Variants in KDM4C observed in about 807,000 individuals in gnomAD.
KDM4C encodes lysine-specific demethylase 4C.
In KDM4C, 81 loss-of-function variants were observed where a neutral mutation model predicts 129.3. That is an observed-to-expected ratio of 0.63 (90% CI 0.52 to 0.75). The LOEUF is 0.75. Ranked by LOEUF, KDM4C falls within the 30% of genes least tolerant of loss-of-function variation. KDM4C has a pLI of 0.00. For synonymous variants in KDM4C, 573 were observed against 456.1 expected (o/e 1.26, Z -3.26); for missense variants, 1,457 against 1,304.0 (o/e 1.12, Z -1.81).
At chr9:7,048,891 A>G (rs529288158) in intron 16 of KDM4C, among the ~76,000 whole-genome samples, 6 of 152,014 alleles carry the variant, frequency 3.9e-5, no homozygotes, top group African/African-American at 4.8e-5. Context: ...TCATGGCACA[A>G]TGTTGTTGGG....
chr9:7,029,656 G>A (rs926322186), intron 15 of KDM4C, among the ~76,000 whole-genome samples: 2 of 152,202 alleles, frequency 1.3e-5, no homozygotes, highest in African/African-American at 4.8e-5. Context: ...TTGGGGGACA[G>A]TATAGCATTT....
intron 5 of KDM4C, among the ~76,000 whole-genome samples, chr9:6,869,241 A>G (rs867857720): frequency 6.6e-6 from 1 of 152,044 alleles, no homozygotes; most frequent in Non-Finnish European, 1.5e-5. Flanking sequence ...TCTGAATGTT[A>G]TGTCAGGAAA....
At chr9:6,927,603 C>T (rs547491921) in intron 8 of KDM4C, among the ~76,000 whole-genome samples, 7 of 152,266 alleles carry the variant, frequency 4.6e-5, no homozygotes, top group African/African-American at 1.7e-4. Context: ...GGAGATCATC[C>T]CTCATCTACG....
chr9:6,781,171 G>T (rs1588218518), intron 1 of KDM4C, among the ~76,000 whole-genome samples: 1 of 152,096 alleles, frequency 6.6e-6, no homozygotes, highest in Non-Finnish European at 1.5e-5. Flanking sequence ...AAGCTTCTTT[G>T]GGGCAGGGGA....
chr9:6,814,772 G>T (rs909897923), intron 4 of KDM4C, 27 bp downstream of exon 4: 5 of 1,395,994 alleles, frequency 3.6e-6, no homozygotes, highest in Non-Finnish European at 5.0e-6. Context: ...AGTGAGTTTT[G>T]TAAAGATCAT....
At chr9:7,061,569 C>T (rs1451054304) in intron 17 of KDM4C, among the ~76,000 whole-genome samples, 1 of 152,178 alleles carries the variant, frequency 6.6e-6, no homozygotes, top group Non-Finnish European at 1.5e-5. Flanking sequence ...TGGTCAGGTT[C>T]TCTAGAGAAG....
intron 1 of KDM4C, among the ~76,000 whole-genome samples, chr9:6,760,541 T>A (rs551430549): frequency 2.7e-4 from 38 of 142,868 alleles, no homozygotes; most frequent in Admixed American, 5.1e-4. Flanking sequence ...GTGATACTCT[T>A]TTTTATTTAT....
intron 8 of KDM4C, chr9:6,924,931 A>C: frequency 1.0e-6 from 1 of 984,492 alleles, no homozygotes; most frequent in Non-Finnish European, 1.2e-6. Flanking sequence ...TTCTAATAAT[A>C]ATGTGTTCTG....
rs10975999 is a variant in KDM4C, at chr9:7,036,263, G to A, written c.2260-10599G>A. Among the ~76,000 whole-genome samples, 378 of 152,180 alleles carry A rather than the reference G, an allele frequency of 2.5e-3. 9 individuals carry two copies. In the East Asian group the frequency reaches 0.026, roughly 11 times the overall value. ...AGTACTTTGCTGTTTGTTGTCAGTGGTCATGCTGGGAAGAAAGAATAAGCC... is the reference window on the plus strand; with the variant it reads ...AGTACTTTGCTGTTTGTTGTCAGTGATCATGCTGGGAAGAAAGAATAAGCC... On this transcript the variant is annotated intron_variant, in intron 15 of 21. Transcript: ENST00000381309.
intron 1 of KDM4C, chr9:6,721,173 A>G: frequency 2.2e-6 from 1 of 461,492 alleles, no homozygotes; most frequent in Non-Finnish European, 3.9e-6. Context: ...TCCCAGGCTC[A>G]GGTGATTCTC....
intron 8 of KDM4C, among the ~76,000 whole-genome samples, chr9:6,944,332 C>T (rs1436029770): frequency 1.3e-5 from 2 of 152,182 alleles, no homozygotes; most frequent in East Asian, 1.9e-4. Context: ...AAACTCTGTT[C>T]TCCAAATTGC....
chr9:6,725,551 G>A (rs1362182617), intron 1 of KDM4C, among the ~76,000 whole-genome samples: 2 of 151,962 alleles, frequency 1.3e-5, no homozygotes, highest in East Asian at 1.9e-4. Context: ...GCAATGGCAC[G>A]ATCTTGGCTC....
chr9:7,102,087 G>A (rs1259688287), intron 17 of KDM4C, among the ~76,000 whole-genome samples: 2 of 152,094 alleles, frequency 1.3e-5, no homozygotes, highest in Non-Finnish European at 1.5e-5. Context: ...TAGTTTTATG[G>A]TTCTGTGTAT....
At chr9:7,045,459 T>A (rs1388263149) in intron 15 of KDM4C, among the ~76,000 whole-genome samples, 1 of 152,064 alleles carries the variant, frequency 6.6e-6, no homozygotes, top group Non-Finnish European at 1.5e-5. Flanking sequence ...GTGTGTTAAA[T>A]TACTGGAAAA....
intron 8 of KDM4C, among the ~76,000 whole-genome samples, chr9:6,972,330 A>G (rs1158695687): frequency 6.6e-6 from 1 of 151,856 alleles, no homozygotes; most frequent in Non-Finnish European, 1.5e-5. Flanking sequence ...ACACACACCT[A>G]TTTTCTCTAC....
chr9:6,829,120 A>C (rs192215137), intron 4 of KDM4C, among the ~76,000 whole-genome samples: 1 of 152,314 alleles, frequency 6.6e-6, no homozygotes, highest in East Asian at 1.9e-4. Flanking sequence ...GAGAGTCATG[A>C]ATGGTTTCCC....
At chr9:6,770,023 A>C (rs1821424401) in intron 1 of KDM4C, among the ~76,000 whole-genome samples, 1 of 152,092 alleles carries the variant, frequency 6.6e-6, no homozygotes, top group African/African-American at 2.4e-5. Context: ...TGCTAGTAAT[A>C]CAAAAATTAG....
intron 12 of KDM4C, among the ~76,000 whole-genome samples, chr9:7,003,312 C>T (rs534357035): frequency 3.3e-4 from 50 of 152,192 alleles, no homozygotes; most frequent in African/African-American, 8.9e-4. Flanking sequence ...TTTGTTCATG[C>T]GTGTTATAAA....
intron 8 of KDM4C, chr9:6,925,229 A>G (rs1360543989): frequency 5.1e-6 from 5 of 985,306 alleles, no homozygotes; most frequent in African/African-American, 1.7e-5. Context: ...GAGCTGTGGC[A>G]GAGCTTCAGA....
Sources: allele counts gnomAD v4.1 joint callset (sites outside exome capture counted in the v4.1 genomes callset), GRCh38; gene constraint gnomAD v4.1.1; transcripts MANE v1.5; gene names NCBI Gene and HGNC (gene_info 2026-07-23, HGNC 2026-07-21).